CLVS1: variants seen among roughly 807,000 people sequenced by gnomAD.
CLVS1 encodes the protein clavesin 1, also known as clavesin-1.
Under a neutral mutation model 33.1 loss-of-function variants are expected in CLVS1, and 10 were observed. That is an observed-to-expected ratio of 0.30 (90% CI 0.19 to 0.51). CLVS1 has a LOEUF of 0.51. Ranked by LOEUF, CLVS1 falls within the 20% of genes least tolerant of loss-of-function variation. The probability of loss-of-function intolerance (pLI) is 0.97; values close to 1 mark genes in which losing one functional copy is unlikely to be tolerated. For synonymous variants in CLVS1, 163 were observed against 166.1 expected (o/e 0.98, Z 0.14); for missense variants, 343 against 433.4 (o/e 0.79, Z 1.85).
At chr8:61,128,073 A>G (rs1044926548) in intron 1 of CLVS1, among the ~76,000 whole-genome samples, 2 of 152,220 alleles carry the variant, frequency 1.3e-5, no homozygotes, top group Non-Finnish European at 2.9e-5. Context: ...TGTTCAGTTG[A>G]TTGATTTTAC....
intron 2 of CLVS1, among the ~76,000 whole-genome samples, chr8:61,323,039 G>A (rs145246800): frequency 6.6e-6 from 1 of 152,030 alleles, no homozygotes; most frequent in Admixed American, 6.6e-5. Context: ...TAAGGAACAC[G>A]AACTGTCTCA....
chr8:61,420,758 C>A (rs1815627928), intron 3 of CLVS1, among the ~76,000 whole-genome samples: 1 of 152,066 alleles, frequency 6.6e-6, no homozygotes, highest in Admixed American at 6.5e-5. Flanking sequence ...CACCTGAAGT[C>A]AGGAGTTTGA....
intron 1 of CLVS1, among the ~76,000 whole-genome samples, chr8:61,289,174 G>A (rs1227047690): frequency 6.6e-6 from 1 of 152,182 alleles, no homozygotes; most frequent in African/African-American, 2.4e-5. Context: ...CGAGATTTTT[G>A]TGTGCTTTCT....
chr8:61,077,488 A>G (rs369667846), intron 1 of CLVS1, among the ~76,000 whole-genome samples: 2 of 105,664 alleles, frequency 1.9e-5, no homozygotes, highest in African/African-American at 3.5e-5. Context: ...TATTATTATT[A>G]TTATTGAGAC....
chr8:61,241,427 T>G (rs1808695559), intron 2 of CLVS1, among the ~76,000 whole-genome samples: 1 of 152,182 alleles, frequency 6.6e-6, no homozygotes, highest in Non-Finnish European at 1.5e-5. Flanking sequence ...TGAATTCAGT[T>G]TGCTAACTTT....
At chr8:61,100,114 A>G (rs1805422028) in intron 1 of CLVS1, among the ~76,000 whole-genome samples, 1 of 152,190 alleles carries the variant, frequency 6.6e-6, no homozygotes. Flanking sequence ...AATCTATTTT[A>G]TCCATGACCA....
chr8:61,335,546 T>A (rs1227613095), intron 2 of CLVS1, among the ~76,000 whole-genome samples: 2 of 152,136 alleles, frequency 1.3e-5, no homozygotes, highest in East Asian at 3.9e-4. Flanking sequence ...TATGCACAAG[T>A]GGATGAGGGA....
chr8:61,117,905 T>G (rs1448371424), intron 1 of CLVS1, among the ~76,000 whole-genome samples: 1 of 152,006 alleles, frequency 6.6e-6, no homozygotes, highest in Non-Finnish European at 1.5e-5. Context: ...TTAGGGAGGA[T>G]TCCCTCTTTT....
chr8:61,173,551 T>C (rs1807051861), intron 2 of CLVS1, among the ~76,000 whole-genome samples: 1 of 152,202 alleles, frequency 6.6e-6, no homozygotes, highest in South Asian at 2.1e-4. Context: ...TCTGTCACTG[T>C]TATTGTTTAG....
intron 1 of CLVS1, among the ~76,000 whole-genome samples, chr8:61,083,703 A>C (rs1471609549): frequency 1.3e-5 from 2 of 152,180 alleles, no homozygotes; most frequent in African/African-American, 2.4e-5. Flanking sequence ...ATAGTGAAAA[A>C]AACAGAGTAT....
chr8:61,394,443 C>T (rs1814437085), intron 3 of CLVS1, among the ~76,000 whole-genome samples: 1 of 152,104 alleles, frequency 6.6e-6, no homozygotes, highest in African/African-American at 2.4e-5. Context: ...TAGAGAAAAA[C>T]CATCAGGTCG....
chr8:61,403,090 T>C (rs1814833108), intron 3 of CLVS1, among the ~76,000 whole-genome samples: 1 of 152,198 alleles, frequency 6.6e-6, no homozygotes, highest in Non-Finnish European at 1.5e-5. Flanking sequence ...GTTGGCCTTA[T>C]TGAGGTGACA....
intron 2 of CLVS1, among the ~76,000 whole-genome samples, chr8:61,255,007 A>T (rs1022561369): frequency 6.6e-6 from 1 of 152,174 alleles, no homozygotes; most frequent in African/African-American, 2.4e-5. Context: ...TGACACTGGG[A>T]GCTGTAGACT....
At chr8:61,083,535 G>A (rs974386161) in intron 1 of CLVS1, among the ~76,000 whole-genome samples, 2 of 152,204 alleles carry the variant, frequency 1.3e-5, no homozygotes, top group Middle Eastern at 3.4e-3. Flanking sequence ...ACTGAGCAAC[G>A]GGAGAAGACA....
intron 3 of CLVS1, among the ~76,000 whole-genome samples, chr8:61,413,279 A>G (rs1057162450): frequency 2.0e-5 from 3 of 152,218 alleles, no homozygotes; most frequent in African/African-American, 2.4e-5. Context: ...CAAAGAATAT[A>G]TTATATTCCA....
At chr8:61,325,207 CACACACACACACACAT>C (rs1811340096) in intron 2 of CLVS1, among the ~76,000 whole-genome samples, 1 of 150,342 alleles carries the variant, frequency 6.7e-6, no homozygotes. Context: ...CACACACATA[CACACACACACACACAT>C]ACACACACAC....
the CLVS1 span, among the ~76,000 whole-genome samples, chr8:60,999,214 C>T: frequency 1.3e-5 from 2 of 152,314 alleles, no homozygotes; most frequent in African/African-American, 4.8e-5. Context: ...TTCAGCTTAG[C>T]GTGCAGTGCT....
At chr8:61,286,481 T>A (rs1016387255), upstream of CLVS1, among the ~76,000 whole-genome samples, 3 of 152,246 alleles carry the variant, frequency 2.0e-5, no homozygotes, top group African/African-American at 7.2e-5. Flanking sequence ...AAGTTTTAGA[T>A]GGTTGTCTTA....
the CLVS1 span, among the ~76,000 whole-genome samples, chr8:61,030,564 A>G: frequency 6.6e-6 from 1 of 152,222 alleles, no homozygotes; most frequent in African/African-American, 2.4e-5. Flanking sequence ...AGTCTCCTTC[A>G]GGCTTCTATT....
Sources: allele counts gnomAD v4.1 joint callset (sites outside exome capture counted in the v4.1 genomes callset), GRCh38; gene constraint gnomAD v4.1.1; transcripts MANE v1.5; gene names NCBI Gene and HGNC (gene_info 2026-07-23, HGNC 2026-07-21).